Variants in BACH2 observed in about 807,000 individuals in gnomAD.
The protein encoded by BACH2 is transcription regulator protein BACH2.
BACH2 carries 5 observed loss-of-function variants against 61.8 expected under a neutral mutation model. The observed-to-expected ratio is 0.08, with a 90% CI of 0.04 to 0.17. The LOEUF is 0.17. Among genes scored for constraint, BACH2 ranks in the 10% least tolerant of loss-of-function variants. The probability of loss-of-function intolerance (pLI) is 1.00; values close to 1 mark genes in which losing one functional copy is unlikely to be tolerated. For synonymous variants in BACH2, 446 were observed against 440.1 expected, an observed-to-expected ratio of 1.01 and a Z score of -0.17; for missense variants, 824 against 1,091.1, an observed-to-expected ratio of 0.76 and a Z score of 3.45.
intron 2 of BACH2, among the ~76,000 whole-genome samples, chr6:90,257,471 A>G (rs1033008893): frequency 1.3e-5 from 2 of 152,098 alleles, no homozygotes; most frequent in African/African-American, 4.8e-5. Context: ...CCCTGATATG[A>G]TGTTGTGTAC....
chr6:90,056,140 A>G (rs1780334829), intron 5 of BACH2, among the ~76,000 whole-genome samples: 1 of 152,222 alleles, frequency 6.6e-6, no homozygotes, highest in Non-Finnish European at 1.5e-5. Flanking sequence ...TTAAATGTAA[A>G]TGGGCTAAAT....
intron 5 of BACH2, among the ~76,000 whole-genome samples, chr6:90,060,873 A>G (rs1410280641): frequency 6.6e-6 from 1 of 152,108 alleles, no homozygotes; most frequent in African/African-American, 2.4e-5. Context: ...CCCCCACATG[A>G]CCGTCACACA....
At chr6:90,226,866 A>G (rs933918421) in intron 3 of BACH2, among the ~76,000 whole-genome samples, 1 of 152,202 alleles carries the variant, frequency 6.6e-6, no homozygotes, top group Non-Finnish European at 1.5e-5. Flanking sequence ...TCCTTTATTC[A>G]AAAACATTTG....
chr6:90,013,652 G>A (rs573422387), intron 5 of BACH2, among the ~76,000 whole-genome samples: 18,465 of 151,522 alleles, frequency 0.12, 1,149 homozygotes, highest in Middle Eastern at 0.23. Context: ...GACTACAGGT[G>A]CCCGCCACCA....
intron 3 of BACH2, among the ~76,000 whole-genome samples, chr6:90,248,180 C>T (rs547914671): frequency 6.6e-6 from 1 of 152,210 alleles, no homozygotes. Context: ...TCATAGTGCA[C>T]TGTCAACAAT....
At chr6:90,058,730 A>G (rs1780511814) in intron 5 of BACH2, among the ~76,000 whole-genome samples, 1 of 152,190 alleles carries the variant, frequency 6.6e-6, no homozygotes, top group African/African-American at 2.4e-5. Flanking sequence ...ACTATACTAC[A>G]AGGCTACAGT....
rs1562549155 is a variant in BACH2, at chr6:90,296,598, G to C, written c.-564C>G. The C allele has an allele frequency of 6.6e-6, 1 of 151,924 alleles. No individual in the cohort carries two copies. The highest frequency in any genetic ancestry group is 6.6e-5 in the Admixed American group (1 of 15,218). 9.4% of individuals were successfully genotyped at this position (151,924 alleles called of 1,614,324 possible). ...CGTGGGTCACCGAAAGCTCGCGGAGGGGACGCGCATCACATGGCAGCTCGT... is the reference window on the plus strand; with the variant it reads ...CGTGGGTCACCGAAAGCTCGCGGAGCGGACGCGCATCACATGGCAGCTCGT... On this transcript the variant is annotated 5_prime_UTR_variant, in exon 1 of 9. Coordinates refer to ENST00000257749, the MANE Select transcript of BACH2 (RefSeq NM_021813.4).
intron 7 of BACH2, among the ~76,000 whole-genome samples, chr6:89,941,924 C>T (rs1773457684): frequency 6.6e-6 from 1 of 151,986 alleles, no homozygotes; most frequent in African/African-American, 2.4e-5. Context: ...GGGAGAGTTG[C>T]CAAGAAAAAG....
chr6:90,020,753 C>T (rs892656420), intron 5 of BACH2, among the ~76,000 whole-genome samples: 1 of 151,982 alleles, frequency 6.6e-6, no homozygotes, highest in African/African-American at 2.4e-5. Flanking sequence ...TCTTTTTTCA[C>T]TTGCCTTGCT....
chr6:90,179,626 G>GA (rs1398867301), intron 4 of BACH2, among the ~76,000 whole-genome samples: 6 of 152,092 alleles, frequency 3.9e-5, no homozygotes, highest in Non-Finnish European at 7.4e-5. Context: ...CTTCTCATCA[G>GA]AAAAATGGGA....
intron 3 of BACH2, among the ~76,000 whole-genome samples, chr6:90,220,885 T>C (rs1395886498): frequency 2.6e-5 from 4 of 152,250 alleles, no homozygotes; most frequent in Non-Finnish European, 4.4e-5. Context: ...AGAATCATTT[T>C]ATTACAGGTA....
intron 6 of BACH2, among the ~76,000 whole-genome samples, chr6:89,968,446 G>C (rs1238637220): frequency 1.3e-5 from 2 of 152,322 alleles, no homozygotes; most frequent in East Asian, 3.9e-4. Flanking sequence ...TGTGATGAAA[G>C]TGTATTTTTT....
intron 4 of BACH2, among the ~76,000 whole-genome samples, chr6:90,125,581 C>A (rs1024589479): frequency 2.0e-5 from 3 of 152,212 alleles, no homozygotes; most frequent in Non-Finnish European, 2.9e-5. Context: ...ATCCTTTTCA[C>A]TGGGTGTAAA....
At position 90,058,051 on chromosome 6, in the gene BACH2, G is replaced by A. The variant is rs532232101; in HGVS notation, c.-13+30910C>T. Among the ~76,000 whole-genome samples, 36 of 152,308 alleles carry A rather than the reference G, an allele frequency of 2.4e-4. 2 individuals carry two copies. In the South Asian group the frequency reaches 7.5e-3, roughly 32 times the overall value. ...GGCAAAAACTGGAAGCATTCCCTTT[G>A]AAAACTGGCACAAGACAGGGATGCC... On this transcript the variant is annotated intron_variant, in intron 5 of 8. Coordinates refer to ENST00000257749, the MANE Select transcript of BACH2 (RefSeq NM_021813.4).
chr6:89,982,590 C>T lies in BACH2; in HGVS notation c.243+26012G>A, dbSNP rs77809942. ...ATATAAGAATTATATTTTAATATAG[C>T]TGTGCTTTTTAGGAGTACGTTCGGA... On this transcript the variant is annotated intron_variant, in intron 6 of 8. Transcript: ENST00000257749. Among the ~76,000 whole-genome samples, 23 of 152,262 alleles carry T rather than the reference C, an allele frequency of 1.5e-4. No homozygotes were observed. The East Asian group carries it at 4.2e-3, about 28-fold the overall frequency.
chr6:90,193,757 AC>A (rs1406869497), intron 4 of BACH2, among the ~76,000 whole-genome samples: 14 of 152,348 alleles, frequency 9.2e-5, no homozygotes, highest in African/African-American at 3.4e-4. Context: ...TATCTGTTAT[AC>A]CAGCTGTCAT....
At chr6:90,191,669 T>C (rs566535600) in intron 4 of BACH2, among the ~76,000 whole-genome samples, 4 of 152,296 alleles carry the variant, frequency 2.6e-5, no homozygotes, top group South Asian at 2.1e-4. Flanking sequence ...CGTTTCCCCA[T>C]CTGTAAAGTG....
intron 2 of BACH2, among the ~76,000 whole-genome samples, chr6:90,262,966 T>C (rs1471665711): frequency 6.6e-6 from 1 of 152,228 alleles, no homozygotes; most frequent in Non-Finnish European, 1.5e-5. Context: ...TTAAATGCTT[T>C]TTAAAATTCA....
rs1360868771 is a variant in BACH2, at chr6:89,935,619, CA to C, written c.2043+2524del. ...CACAACGTGTTATTTAAGGGGATGC[CA>C]AAAAGTGGTTGGAGAACTAGATGAT... On this transcript the variant is annotated intron_variant, in intron 8 of 8. Coordinates refer to ENST00000257749, the MANE Select transcript of BACH2 (RefSeq NM_021813.4). Among the ~76,000 whole-genome samples, 19 of 152,200 alleles carry C rather than the reference CA, an allele frequency of 1.2e-4. No homozygotes were observed. In the East Asian group the frequency reaches 1.5e-3, roughly 12 times the overall value.
Sources: gnomAD v4.1 joint callset for allele counts (sites outside exome capture counted in the v4.1 genomes callset) on GRCh38, gnomAD v4.1.1 for gene constraint, MANE v1.5 for transcripts, NCBI Gene and HGNC (gene_info 2026-07-23, HGNC 2026-07-21) for gene names.